The following SLC39A11 variants were observed in gnomAD, a reference collection of about 807,000 sequenced individuals.
The protein encoded by SLC39A11 is solute carrier family 39 member 11.
A neutral mutation model predicts 36.1 loss-of-function variants in SLC39A11; 33 were observed. The ratio of observed to expected loss-of-function variants is 0.91; its 90% CI spans 0.69 to 1.22. The LOEUF (loss-of-function observed/expected upper bound fraction) is 1.22. Among genes scored for constraint, SLC39A11 ranks in the 50% most tolerant of loss-of-function variants. The probability of loss-of-function intolerance (pLI) is 0.00; values close to 1 mark genes in which losing one functional copy is unlikely to be tolerated. For missense variants in SLC39A11, 432 were observed against 430.3 expected (o/e 1.00, Z -0.03); for synonymous variants, 166 against 170.3 (o/e 0.97, Z 0.20).
intron 4 of SLC39A11, among the ~76,000 whole-genome samples, chr17:72,978,510 G>GGAGACATTTGGGAA (rs2088034513): frequency 6.6e-6 from 1 of 152,222 alleles, no homozygotes; most frequent in South Asian, 2.1e-4. Context: ...GAGCTTGGGA[G>GGAGACATTTGGGAA]GAGACATTTG....
chr17:73,026,185 A>ATG, intron 4 of SLC39A11, among the ~76,000 whole-genome samples: 1 of 68,998 alleles, frequency 1.4e-5, no homozygotes, highest in Non-Finnish European at 3.1e-5. Context: ...GGAGAAAGAG[A>ATG]AGAGAGAAGA....
intron 6 of SLC39A11, among the ~76,000 whole-genome samples, chr17:72,818,350 T>C (rs1166349665): frequency 6.6e-6 from 1 of 152,138 alleles, no homozygotes; most frequent in Non-Finnish European, 1.5e-5. Context: ...TTGTAGCTCC[T>C]TGGACACCTG....
intron 6 of SLC39A11, among the ~76,000 whole-genome samples, chr17:72,820,395 T>G (rs1388829397): frequency 6.6e-6 from 1 of 151,180 alleles, no homozygotes; most frequent in Non-Finnish European, 1.5e-5. Flanking sequence ...AAGAGCATCT[T>G]TAAGGCCTTC....
chr17:72,831,046 A>T (rs978420316), intron 6 of SLC39A11, among the ~76,000 whole-genome samples: 2 of 152,186 alleles, frequency 1.3e-5, no homozygotes, highest in African/African-American at 4.8e-5. Context: ...AAAGTGTTTG[A>T]TTAAAAGAGA....
intron 6 of SLC39A11, among the ~76,000 whole-genome samples, chr17:72,816,779 A>G (rs895274408): frequency 7.2e-5 from 11 of 152,228 alleles, no homozygotes; most frequent in African/African-American, 2.7e-4. Flanking sequence ...GTTCAAATAA[A>G]TAATCATTTC....
At chr17:72,969,384 C>G (rs1049017510) in intron 4 of SLC39A11, among the ~76,000 whole-genome samples, 1 of 152,004 alleles carries the variant, frequency 6.6e-6, no homozygotes, top group African/African-American at 2.4e-5. Flanking sequence ...GGGGTGGGAC[C>G]AACAGAAGAG....
intron 6 of SLC39A11, among the ~76,000 whole-genome samples, chr17:72,761,083 T>G (rs888789041): frequency 6.6e-6 from 1 of 152,176 alleles, no homozygotes; most frequent in African/African-American, 2.4e-5. Flanking sequence ...AAATAAAGCA[T>G]GTTCATCAAA....
chr17:72,843,034 C>T (rs2145890581), intron 6 of SLC39A11, among the ~76,000 whole-genome samples: 1 of 152,214 alleles, frequency 6.6e-6, no homozygotes, highest in East Asian at 1.9e-4. Context: ...ACTGCAACCT[C>T]TGCCTCCTGG....
intron 6 of SLC39A11, among the ~76,000 whole-genome samples, chr17:72,750,074 A>G (rs1246018464): frequency 2.0e-5 from 3 of 152,186 alleles, no homozygotes; most frequent in Non-Finnish European, 2.9e-5. Context: ...GGCACAAGCC[A>G]GATGGGTCGA....
intron 6 of SLC39A11, 52 bp downstream of exon 6, chr17:72,849,582 A>C (rs893758686): frequency 1.0e-5 from 15 of 1,442,656 alleles, no homozygotes; most frequent in Non-Finnish European, 1.4e-5. Flanking sequence ...CTGTGCTGAC[A>C]AATGACTTTA....
intron 5 of SLC39A11, among the ~76,000 whole-genome samples, chr17:72,945,993 C>G (rs558453754): frequency 6.6e-6 from 1 of 152,282 alleles, no homozygotes; most frequent in South Asian, 2.1e-4. Context: ...CTAGAGAAGA[C>G]TCACAATCAG....
chr17:72,946,933 T>C (rs1325883386), intron 5 of SLC39A11, among the ~76,000 whole-genome samples: 2 of 152,232 alleles, frequency 1.3e-5, no homozygotes, highest in Non-Finnish European at 2.9e-5. Context: ...CTGATTCCTC[T>C]TGAGGGACGC....
chr17:72,740,882 C>T (rs2074666286), intron 6 of SLC39A11, among the ~76,000 whole-genome samples: 1 of 152,126 alleles, frequency 6.6e-6, no homozygotes, highest in Admixed American at 6.5e-5. Flanking sequence ...TCAAGCGATT[C>T]TCCTGCCTCA....
At chr17:72,709,763 C>A (rs1459955050) in intron 7 of SLC39A11, among the ~76,000 whole-genome samples, 1 of 152,204 alleles carries the variant, frequency 6.6e-6, no homozygotes, top group Admixed American at 6.5e-5. Flanking sequence ...CTTCTAATTG[C>A]TGATCAACCT....
At chr17:72,849,513 ACTCCTC>A in intron 6 of SLC39A11, 115 bp downstream of exon 6, 1 of 986,916 alleles carries the variant, frequency 1.0e-6, no homozygotes, top group African/African-American at 1.6e-5. Flanking sequence ...TGCCACCTTC[ACTCCTC>A]TCCAAAAAGG....
At chr17:72,715,736 C>T (rs1196548868) in intron 7 of SLC39A11, among the ~76,000 whole-genome samples, 1 of 152,098 alleles carries the variant, frequency 6.6e-6, no homozygotes, top group Non-Finnish European at 1.5e-5. Flanking sequence ...TGGAGTCTCG[C>T]TCTGTCACCC....
chr17:72,710,184 T>C (rs770053993), intron 7 of SLC39A11, among the ~76,000 whole-genome samples: 6 of 152,246 alleles, frequency 3.9e-5, no homozygotes, highest in Non-Finnish European at 7.3e-5. Context: ...GTGCTGTTCT[T>C]ATCTCCTGCC....
At chr17:72,949,270 C>A (rs971407108) in intron 4 of SLC39A11, among the ~76,000 whole-genome samples, 23 of 146,382 alleles carry the variant, frequency 1.6e-4, no homozygotes, top group Admixed American at 1.2e-3. Context: ...AAGCAATTCT[C>A]CTGCCTCAGC....
At chr17:72,771,354 T>TA (rs4036979) in intron 6 of SLC39A11, among the ~76,000 whole-genome samples, 24,121 of 142,804 alleles carry the variant, frequency 0.17, 2,535 homozygotes, top group African/African-American at 0.31. Context: ...AGACCCTATC[T>TA]AAAAAAAAAA....
Sources: allele counts gnomAD v4.1 joint callset (sites outside exome capture counted in the v4.1 genomes callset), GRCh38; gene constraint gnomAD v4.1.1; transcripts MANE v1.5; gene names NCBI Gene and HGNC (gene_info 2026-07-23, HGNC 2026-07-21).